SCNM1: variants seen among roughly 807,000 people sequenced by gnomAD.
The protein encoded by SCNM1 is sodium channel modifier 1.
A neutral mutation model predicts 32.8 loss-of-function variants in SCNM1; 24 were observed. The observed-to-expected ratio is 0.73, with a 90% CI of 0.53 to 1.03. The LOEUF (loss-of-function observed/expected upper bound fraction) is 1.03. Among genes scored for constraint, SCNM1 ranks in the 50% least tolerant of loss-of-function variants. The pLI is 0.00. For synonymous variants in SCNM1, 99 were observed against 103.2 expected (o/e 0.96, Z 0.25); for missense variants, 274 against 282.3 (o/e 0.97, Z 0.21).
chr1:151,168,992 A>C lies in SCNM1; in HGVS notation c.600A>C (p.Gly200=), dbSNP rs1343950284. ...TTTTCTCTGATGTTTCCAGCTCTGG[A>C]TGGATCCCAGATGGACGAGGTCGAT... is the stretch of plus-strand genomic sequence containing the variant. ...LDHYLTLRSS[G]WIPDGRGRWV... is the part of the protein sequence containing the mutation. Residue 200 remains glycine, a synonymous_variant, in exon 7 of 7, where the codon GGA becomes GGC. Coordinates refer to ENST00000368905, the MANE Select transcript of SCNM1 (RefSeq NM_024041.4). The C allele has an allele frequency of 1.1e-5, 18 of 1,613,646 alleles. No individual in the cohort carries two copies. The highest frequency in any genetic ancestry group is 1.7e-5 in the Admixed American group (1 of 59,938).
chr1:151,168,185 C>T lies in SCNM1; in HGVS notation c.440C>T (p.Pro147Leu), dbSNP rs1312427628. 6.2e-7 allele frequency: 1 copy of T among 1,614,046 alleles called. No individual in the cohort carries two copies. The highest frequency in any genetic ancestry group is 2.2e-5 in the East Asian group (1 of 44,884). Residue 147 changes from proline (P) to leucine (L), a missense_variant, in exon 6 of 7, where the codon CCA (proline) becomes CTA (leucine). By Grantham distance (98) the Pro-to-Leu change is moderately conservative (BLOSUM62 -3). Coordinates refer to ENST00000368905, the MANE Select transcript of SCNM1 (RefSeq NM_024041.4). ...PGPSVSLSPM[P>L]PSEVKLQSGK... ...CCCTCTGTCTCCCTTTCCCCTATGCCACCCTCAGAGGTCAAACTCCAAAGT... is the reference window on the plus strand; with the variant it reads ...CCCTCTGTCTCCCTTTCCCCTATGCTACCCTCAGAGGTCAAACTCCAAAGT...
At chr1:151,167,852 A>G (rs1683779458) in intron 5 of SCNM1, 2 of 330,426 alleles carry the variant, frequency 6.1e-6, no homozygotes, top group Non-Finnish European at 1.1e-5. Flanking sequence ...GAAAAGAAAG[A>G]AAAAGAAAAG....
intron 2 of SCNM1, 70 bp downstream of exon 2, chr1:151,166,611 T>C (rs1683715012): frequency 1.3e-6 from 2 of 1,535,382 alleles, no homozygotes; most frequent in African/African-American, 1.4e-5. Flanking sequence ...TTTTTTTTTT[T>C]CCTTTGAGAC....
In SCNM1 at chr1:151,169,186, T is replaced by G; in HGVS notation, c.*101T>G. Reference sequence around the variant, plus strand: ...GTTGGATCTCAGGATTTCAGATCTGTTCATTCTCATTCCAACTACTCCTTG... The same window carrying G: ...GTTGGATCTCAGGATTTCAGATCTGGTCATTCTCATTCCAACTACTCCTTG... On this transcript the variant is annotated 3_prime_UTR_variant, in exon 7 of 7. Coordinates refer to ENST00000368905, the MANE Select transcript of SCNM1 (RefSeq NM_024041.4). 7.5e-7 allele frequency: 1 copy of G among 1,326,168 alleles called. No individual in the cohort carries two copies. The highest frequency in any genetic ancestry group is 1.1e-6 in the Non-Finnish European group (1 of 945,058). 82.2% of individuals were successfully genotyped at this position (1,326,168 alleles called of 1,614,324 possible).
At chr1:151,166,821 T>C in intron 2 of SCNM1, 113 bp from the exon 3 acceptor site, 1 of 1,484,822 alleles carries the variant, frequency 6.7e-7, no homozygotes, top group Non-Finnish European at 9.1e-7. Context: ...GGAGATTGGG[T>C]CACCAGGGAG....
At chr1:151,166,231 C>T (rs1683692124) in intron 1 of SCNM1, 28 bp downstream of exon 1, 2 of 1,577,430 alleles carry the variant, frequency 1.3e-6, no homozygotes, top group East Asian at 4.6e-5. Context: ...GGATCTGGAG[C>T]CGCTTCAGTC....
In SCNM1 at chr1:151,169,098, A is replaced by G. The variant is rs1277728104; in HGVS notation, c.*13A>G. The G allele has an allele frequency of 1.9e-6, 3 of 1,613,946 alleles. No homozygotes were observed. The highest frequency in any genetic ancestry group is 1.7e-6 in the Non-Finnish European group (2 of 1,179,940). On this transcript the variant is annotated 3_prime_UTR_variant, in exon 7 of 7. Transcript: ENST00000368905. Reference sequence around the variant, plus strand: ...CCCCTTGGACTGATACCCTTTTCCCATTCATTCACAAATAAATTACAATGG... The same window carrying G: ...CCCCTTGGACTGATACCCTTTTCCCGTTCATTCACAAATAAATTACAATGG...
At chr1:151,167,649 T>C (rs1683769664) in intron 5 of SCNM1, 3 of 486,226 alleles carry the variant, frequency 6.2e-6, no homozygotes, top group Non-Finnish European at 1.1e-5. Context: ...CTGGCCAACA[T>C]GGTGAAATCC....
rs1311501652 is a variant in SCNM1 at position 151,169,820 on chromosome 1, T to TA, written c.*736dup. 2.0e-6 allele frequency: 1 copy of TA among 506,890 alleles called. No individual in the cohort carries two copies. The highest frequency in any genetic ancestry group is 3.6e-5 in the East Asian group (1 of 28,050). 31.4% of individuals were successfully genotyped at this position (506,890 alleles called of 1,614,324 possible). A position where few individuals can be genotyped will look rare whatever the true frequency, so the allele number is the denominator to read the frequency against. On this transcript the variant is annotated 3_prime_UTR_variant, in exon 7 of 7. Coordinates refer to ENST00000368905, the MANE Select transcript of SCNM1 (RefSeq NM_024041.4). ...AAGAGTCAAAAGGCATTGGCAGGGT[T>TA]ATGGGGAACACCAAGGGAGGGAACA...
At chr1:151,167,647 C>T (rs756668698) in intron 5 of SCNM1, 3 of 492,278 alleles carry the variant, frequency 6.1e-6, no homozygotes, top group African/African-American at 2.0e-5. Context: ...GCCTGGCCAA[C>T]ATGGTGAAAT....
At chr1:151,166,316 G>T in intron 1 of SCNM1, 113 bp downstream of exon 1, 1 of 1,536,326 alleles carries the variant, frequency 6.5e-7, no homozygotes, top group South Asian at 1.2e-5. Context: ...AGAACCAGGC[G>T]ACTTAGAGCT....
chr1:151,166,452 CT>C lies in SCNM1; in HGVS notation c.52-17del. 1 of 1,613,908 alleles carries C rather than the reference CT, an allele frequency of 6.2e-7. No homozygotes were observed. The highest frequency in any genetic ancestry group is 8.5e-7 in the Non-Finnish European group (1 of 1,179,942). On this transcript the variant is annotated intron_variant, in intron 1 of 6. Transcript: ENST00000368905. ...TATCCCGCTGATCCCGTCCGGATTT[CT>C]TCCCCTACTCCCTGCAGAAAAGAAG...
intron 1 of SCNM1, 127 bp downstream of exon 1, chr1:151,166,330 T>C (rs773024654): frequency 6.5e-7 from 1 of 1,536,296 alleles, no homozygotes; most frequent in Non-Finnish European, 8.8e-7. Context: ...TAGAGCTGTG[T>C]AGTGACTCCT....
intron 2 of SCNM1, 79 bp downstream of exon 2, chr1:151,166,620 A>G: frequency 1.9e-6 from 3 of 1,542,420 alleles, no homozygotes; most frequent in Non-Finnish European, 2.6e-6. Flanking sequence ...TTCCTTTGAG[A>G]CGGAGGTCTC....
In SCNM1 at chr1:151,169,146, T is replaced by C. The variant is rs963728254; in HGVS notation, c.*61T>C. ...TGGGTGCTGAGAACTTAACTTTCCT[T>C]AAGTCTGGTTCCTTGTTGGATCTCA... On this transcript the variant is annotated 3_prime_UTR_variant, in exon 7 of 7. Transcript: ENST00000368905. The C allele has an allele frequency of 1.0e-5, 16 of 1,594,370 alleles. No individual in the cohort carries two copies. The highest frequency in any genetic ancestry group is 2.7e-5 in the African/African-American group (2 of 74,504).
At chr1:151,167,276 G>A in intron 4 of SCNM1, 50 bp from the exon 5 acceptor site, 1 of 1,614,026 alleles carries the variant, frequency 6.2e-7, no homozygotes, top group Non-Finnish European at 8.5e-7. Flanking sequence ...CACCAGGCTG[G>A]AAGGGCGGAG....
chr1:151,169,742 G>A lies in SCNM1; in HGVS notation c.*657G>A, dbSNP rs1305066540. The A allele has an allele frequency of 2.9e-6, 1 of 342,526 alleles. No homozygotes were observed. The highest frequency in any genetic ancestry group is 5.4e-6 in the Non-Finnish European group (1 of 183,732). The allele number at this position is 342,526 out of a possible 1,614,324, so 21.2% of individuals were successfully genotyped here. Reference sequence around the variant, plus strand: ...TAAGGACTGCAGGTAGGCACTAGGGGGACCTGGCCACATCTGGAAACAGGG... The same window carrying A: ...TAAGGACTGCAGGTAGGCACTAGGGAGACCTGGCCACATCTGGAAACAGGG... On this transcript the variant is annotated 3_prime_UTR_variant, in exon 7 of 7. Transcript: ENST00000368905.
At chr1:151,168,111 T>C in intron 5 of SCNM1, 33 bp from the exon 6 acceptor site, 1 of 1,558,756 alleles carries the variant, frequency 6.4e-7, no homozygotes, top group Non-Finnish European at 8.7e-7. Context: ...CCCTTTCCCT[T>C]ACTGCTTTTA....
intron 5 of SCNM1, 153 bp downstream of exon 5, chr1:151,167,567 C>T: frequency 2.0e-6 from 2 of 1,017,628 alleles, no homozygotes; most frequent in Non-Finnish European, 2.9e-6. Context: ...CGCGGTGACT[C>T]ACGCCTGTAA....
Sources: gnomAD v4.1 joint callset for allele counts on GRCh38, gnomAD v4.1.1 for gene constraint, MANE v1.5 for transcripts, NCBI Gene and HGNC (gene_info 2026-07-23, HGNC 2026-07-21) for gene names.